ZNF536: variants seen among roughly 807,000 people sequenced by gnomAD.
ZNF536 encodes the protein zinc finger protein 536.
A neutral mutation model predicts 84.5 loss-of-function variants in ZNF536; 13 were observed. The observed-to-expected ratio is 0.15, with a 90% CI of 0.10 to 0.24. ZNF536 has a LOEUF of 0.24. Ranked by LOEUF, ZNF536 falls within the 10% of genes least tolerant of loss-of-function variation. The probability of loss-of-function intolerance (pLI) is 1.00; values close to 1 mark genes in which losing one functional copy is unlikely to be tolerated. For missense variants in ZNF536, 1,536 were observed against 1,747.5 expected (o/e 0.88, Z 2.16); for synonymous variants, 811 against 742.5 (o/e 1.09, Z -1.50).
chr19:30,496,639 T>TG (rs1209150576), intron 2 of ZNF536, among the ~76,000 whole-genome samples: 1 of 151,956 alleles, frequency 6.6e-6, no homozygotes, highest in Non-Finnish European at 1.5e-5. Context: ...CAGAGGCAGT[T>TG]GGGGGAAGGA....
chr19:30,654,780 C>T (rs770222714), intron 1 of ZNF536, among the ~76,000 whole-genome samples: 5 of 150,022 alleles, frequency 3.3e-5, no homozygotes, highest in African/African-American at 1.2e-4. Context: ...GAGGGCTGGG[C>T]TTGAGCCAGG....
At position 30,666,407 on chromosome 19, in the gene ZNF536, TTC is replaced by T. The variant is rs1433106850; in HGVS notation, c.170-44349_170-44348del. ...TCCCTTTCCCTGCCTCCTCCCTCCC[TTC>T]CACTCCCTCCTCTCTTTTCTCCCCT... On this transcript the variant is annotated intron_variant, in intron 1 of 1. Transcript: ENST00000592773. Among the ~76,000 whole-genome samples, 4 of 152,216 alleles carry T rather than the reference TTC, an allele frequency of 2.6e-5. No homozygotes were observed. In the East Asian group the frequency reaches 7.8e-4, roughly 30 times the overall value.
intron 1 of ZNF536, among the ~76,000 whole-genome samples, chr19:30,641,491 C>T (rs2043311): frequency 0.94 from 143,105 of 152,284 alleles, 67,611 homozygotes; most frequent in Non-Finnish European, 0.99. Context: ...TATGTATAAA[C>T]GTATGGCTAC....
intron 3 of ZNF536, among the ~76,000 whole-genome samples, chr19:30,363,160 G>T (rs2048327649): frequency 6.6e-6 from 1 of 152,138 alleles, no homozygotes; most frequent in Admixed American, 6.5e-5. Context: ...GCTGGGACAA[G>T]CTCCCTGGAA....
intron 1 of ZNF536, among the ~76,000 whole-genome samples, chr19:30,416,613 A>G (rs574481790): frequency 6.6e-6 from 1 of 152,124 alleles, no homozygotes; most frequent in African/African-American, 2.4e-5. Context: ...TGCCCTCCCC[A>G]TCCTCCCTGG....
At chr19:30,657,996 A>G (rs1028331396) in intron 1 of ZNF536, among the ~76,000 whole-genome samples, 4 of 145,152 alleles carry the variant, frequency 2.8e-5, no homozygotes, top group Non-Finnish European at 6.0e-5. Flanking sequence ...CTCTTGTTTA[A>G]TACCCTTCAA....
intron 2 of ZNF536, among the ~76,000 whole-genome samples, chr19:30,470,002 C>T (rs1349488022): frequency 6.6e-6 from 1 of 152,176 alleles, no homozygotes; most frequent in Non-Finnish European, 1.5e-5. Flanking sequence ...AGAGATGTAA[C>T]CAAAAAACAA....
At chr19:30,602,777 C>G (rs996548232) in intron 1 of ZNF536, among the ~76,000 whole-genome samples, 1 of 152,098 alleles carries the variant, frequency 6.6e-6, no homozygotes, top group East Asian at 1.9e-4. Flanking sequence ...TGTGCAAAGG[C>G]GGAGAGGTGT....
intron 3 of ZNF536, among the ~76,000 whole-genome samples, chr19:30,353,479 A>G (rs2146750866): frequency 6.6e-6 from 1 of 152,200 alleles, no homozygotes; most frequent in African/African-American, 2.4e-5. Flanking sequence ...GTTAAGAAAA[A>G]GGAACAGCGA....
At position 30,345,248 on chromosome 19, in the gene ZNF536, C is replaced by CA. The variant is rs955561766; in HGVS notation, c.-119-7120_-119-7119insA. Among the ~76,000 whole-genome samples the CA allele has an allele frequency of 5.3e-5, 8 of 152,080 alleles. No homozygotes were observed. The East Asian group carries it at 1.4e-3, about 26-fold the overall frequency. On this transcript the variant is annotated intron_variant, in intron 2 of 5. Coordinates refer to the ZNF536 transcript ENST00000585628. The stretch of plus-strand genomic sequence containing the variant: ...GAGGACCACGCCCCGGGGGCTCCCC[C>CA]CAGCATGAGTGCACTCAGCTCCTTT...
At chr19:30,510,631 TAG>T (rs2055370497) in intron 2 of ZNF536, among the ~76,000 whole-genome samples, 1 of 152,352 alleles carries the variant, frequency 6.6e-6, no homozygotes, top group African/African-American at 2.4e-5. Context: ...CTCCTCGATG[TAG>T]AGTGTTGGCC....
At chr19:30,344,440 CAAAA>C (rs10628847) in intron 2 of ZNF536, among the ~76,000 whole-genome samples, 4 of 69,180 alleles carry the variant, frequency 5.8e-5, no homozygotes, top group African/African-American at 2.3e-4. Context: ...AACTCCATCT[CAAAA>C]AAAAAAAAAA....
At chr19:30,461,759 T>C (rs1487525415) in intron 2 of ZNF536, among the ~76,000 whole-genome samples, 2 of 152,200 alleles carry the variant, frequency 1.3e-5, no homozygotes, top group East Asian at 1.9e-4. Context: ...TCTGACACTA[T>C]GATGCTTCAT....
At chr19:30,230,788 T>G (rs2022978174) in intron 1 of ZNF536, among the ~76,000 whole-genome samples, 1 of 152,166 alleles carries the variant, frequency 6.6e-6, no homozygotes, top group South Asian at 2.1e-4. Flanking sequence ...AACTCTGAAC[T>G]CCATCTTACT....
At chr19:30,615,901 CCTCT>C (rs999789950) in intron 1 of ZNF536, among the ~76,000 whole-genome samples, 8 of 151,960 alleles carry the variant, frequency 5.3e-5, no homozygotes, top group Non-Finnish European at 1.0e-4. Flanking sequence ...TCTCTCTCTG[CCTCT>C]CTATCTCTCT....
chr19:30,354,535 G>A (rs1441073640), intron 3 of ZNF536, among the ~76,000 whole-genome samples: 1 of 152,048 alleles, frequency 6.6e-6, no homozygotes, highest in Non-Finnish European at 1.5e-5. Context: ...ACCTGATCAT[G>A]GCATGCATTT....
At chr19:30,376,381 G>C (rs1435688651) in intron 1 of ZNF536, among the ~76,000 whole-genome samples, 1 of 152,162 alleles carries the variant, frequency 6.6e-6, no homozygotes, top group Admixed American at 6.5e-5. Flanking sequence ...CCTGAGCATA[G>C]AGGTGCCTTG....
intron 2 of ZNF536, among the ~76,000 whole-genome samples, chr19:30,488,945 A>C (rs1197628635): frequency 6.6e-6 from 1 of 152,212 alleles, no homozygotes; most frequent in Non-Finnish European, 1.5e-5. Flanking sequence ...CCGAAGCATT[A>C]GAGTCTCTTT....
At chr19:30,513,189 C>T (rs1674956044) in intron 2 of ZNF536, among the ~76,000 whole-genome samples, 1 of 152,114 alleles carries the variant, frequency 6.6e-6, no homozygotes, top group African/African-American at 2.4e-5. Flanking sequence ...ATTGAAAGGG[C>T]GCCATTACCA....
Sources: allele counts gnomAD v4.1 joint callset (sites outside exome capture counted in the v4.1 genomes callset), GRCh38; gene constraint gnomAD v4.1.1; transcripts MANE v1.5; gene names NCBI Gene and HGNC (gene_info 2026-07-23, HGNC 2026-07-21).